SNTG1: variants seen among roughly 807,000 people sequenced by gnomAD.
SNTG1 encodes the protein syntrophin gamma 1.
In SNTG1, 39 loss-of-function variants were observed where a neutral mutation model predicts 74.7. That is an observed-to-expected ratio of 0.52 (90% confidence interval 0.40 to 0.68). The LOEUF is 0.68. Among genes scored for constraint, SNTG1 ranks in the 30% least tolerant of loss-of-function variants. The pLI is 0.00. For missense variants in SNTG1, 685 were observed against 609.5 expected, an observed-to-expected ratio of 1.12 and a Z score of -1.30; for synonymous variants, 254 against 217.1, an observed-to-expected ratio of 1.17 and a Z score of -1.49.
chr8:50,687,667 C>A (rs1454337713), intron 15 of SNTG1, among the ~76,000 whole-genome samples: 1 of 152,160 alleles, frequency 6.6e-6, no homozygotes, highest in Non-Finnish European at 1.5e-5. Context: ...GTGTGCTGCA[C>A]CCGTTAACTC....
intron 2 of SNTG1, among the ~76,000 whole-genome samples, chr8:50,356,669 TA>T (rs1554647640): frequency 6.6e-6 from 1 of 152,084 alleles, no homozygotes; most frequent in Non-Finnish European, 1.5e-5. Flanking sequence ...GTCCTTTTTT[TA>T]AGGGCCTCTA....
At chr8:49,953,373 C>T (rs1033473664) in intron 1 of SNTG1, among the ~76,000 whole-genome samples, 4 of 152,156 alleles carry the variant, frequency 2.6e-5, no homozygotes, top group South Asian at 2.1e-4. Flanking sequence ...TTCCTGTCCT[C>T]ATTGTCCTCT....
chr8:50,157,870 C>G (rs1056387396), intron 1 of SNTG1, among the ~76,000 whole-genome samples: 1 of 152,058 alleles, frequency 6.6e-6, no homozygotes, highest in Admixed American at 6.6e-5. Flanking sequence ...GTTACCAAAC[C>G]TAGATGGAAG....
chr8:50,412,635 G>C (rs2092963887), intron 4 of SNTG1, among the ~76,000 whole-genome samples: 1 of 152,132 alleles, frequency 6.6e-6, no homozygotes, highest in African/African-American at 2.4e-5. Context: ...AGAGGTCTAG[G>C]TCAGGAACTG....
At chr8:50,579,893 T>C (rs113930721) in intron 12 of SNTG1, among the ~76,000 whole-genome samples, 5,057 of 152,196 alleles carry the variant, frequency 0.033, 135 homozygotes, top group African/African-American at 0.063. Flanking sequence ...AGAAGAGAAA[T>C]GTGGGGTAGG....
chr8:50,722,788 C>T (rs550876759), intron 17 of SNTG1, among the ~76,000 whole-genome samples: 100 of 151,950 alleles, frequency 6.6e-4, no homozygotes, highest in Non-Finnish European at 7.4e-4. Flanking sequence ...TCAGGTTTTG[C>T]GTATGGGAAA....
At chr8:50,298,213 G>T (rs1225546656) in intron 2 of SNTG1, among the ~76,000 whole-genome samples, 1 of 152,098 alleles carries the variant, frequency 6.6e-6, no homozygotes, top group Non-Finnish European at 1.5e-5. Context: ...CAAATATCAG[G>T]AAGAGTAGAG....
intron 4 of SNTG1, among the ~76,000 whole-genome samples, chr8:50,413,964 G>T (rs1008650614): frequency 2.6e-5 from 4 of 152,030 alleles, no homozygotes; most frequent in Non-Finnish European, 5.9e-5. Context: ...TTATACATTT[G>T]ATATCTCCTT....
intron 1 of SNTG1, among the ~76,000 whole-genome samples, chr8:50,024,062 G>T (rs747563813): frequency 2.6e-5 from 4 of 152,140 alleles, no homozygotes; most frequent in African/African-American, 9.7e-5. Flanking sequence ...AACCAAATTT[G>T]ATTTTCTAGT....
intron 18 of SNTG1, among the ~76,000 whole-genome samples, chr8:50,775,042 C>T (rs2095636820): frequency 6.7e-6 from 1 of 149,724 alleles, no homozygotes; most frequent in Admixed American, 6.7e-5. Flanking sequence ...TGTTATAACC[C>T]CCAAAATAAA....
chr8:49,968,386 T>C (rs1192920185), intron 1 of SNTG1, among the ~76,000 whole-genome samples: 1 of 152,164 alleles, frequency 6.6e-6, no homozygotes, highest in Admixed American at 6.5e-5. Context: ...TTCTTGTGAC[T>C]TGAGAATTAC....
chr8:50,081,614 T>G (rs1427241115), intron 1 of SNTG1, among the ~76,000 whole-genome samples: 1 of 152,014 alleles, frequency 6.6e-6, no homozygotes, highest in Non-Finnish European at 1.5e-5. Flanking sequence ...TTCACTTCGT[T>G]TTTTTTGTTT....
At chr8:50,669,591 C>G (rs555701451) in intron 15 of SNTG1, among the ~76,000 whole-genome samples, 1 of 152,278 alleles carries the variant, frequency 6.6e-6, no homozygotes, top group Admixed American at 6.5e-5. Flanking sequence ...GATGGACTCA[C>G]AGCCGAATTC....
At chr8:49,923,225 C>G (rs186578454) in intron 1 of SNTG1, among the ~76,000 whole-genome samples, 4 of 152,120 alleles carry the variant, frequency 2.6e-5, no homozygotes, top group Non-Finnish European at 4.4e-5. Flanking sequence ...GTTTGGAGAA[C>G]TAAACAATTC....
intron 2 of SNTG1, among the ~76,000 whole-genome samples, chr8:50,356,086 C>T (rs1159710893): frequency 6.6e-6 from 1 of 150,880 alleles, no homozygotes; most frequent in Admixed American, 6.6e-5. Flanking sequence ...TGGGGATGGC[C>T]CTTGCAATTC....
At chr8:50,224,835 G>T (rs1172370605) in intron 2 of SNTG1, among the ~76,000 whole-genome samples, 1 of 152,136 alleles carries the variant, frequency 6.6e-6, no homozygotes, top group Non-Finnish European at 1.5e-5. Flanking sequence ...AAAATATATT[G>T]CCCTGATGTA....
intron 1 of SNTG1, among the ~76,000 whole-genome samples, chr8:50,004,083 T>C (rs1814991255): frequency 6.6e-6 from 1 of 152,148 alleles, no homozygotes; most frequent in Non-Finnish European, 1.5e-5. Flanking sequence ...GCTAATACCC[T>C]GAGGCCATCA....
intron 18 of SNTG1, among the ~76,000 whole-genome samples, chr8:50,789,256 G>A (rs2095684619): frequency 6.6e-6 from 1 of 151,844 alleles, no homozygotes; most frequent in Non-Finnish European, 1.5e-5. Context: ...TCAATTTCCA[G>A]CTGTCATTTT....
chr8:50,726,067 G>A (rs992636276), intron 17 of SNTG1, among the ~76,000 whole-genome samples: 8 of 152,100 alleles, frequency 5.3e-5, no homozygotes, highest in African/African-American at 1.2e-4. Flanking sequence ...GTTGTGTACA[G>A]GTATGTGACA....
Sources: gnomAD v4.1 joint callset for allele counts (sites outside exome capture counted in the v4.1 genomes callset) on GRCh38, gnomAD v4.1.1 for gene constraint, MANE v1.5 for transcripts, NCBI Gene and HGNC (gene_info 2026-07-23, HGNC 2026-07-21) for gene names.